The following TANC1 variants were observed in gnomAD, a reference collection of about 807,000 sequenced individuals.
The protein encoded by TANC1 is protein TANC1.
Under a neutral mutation model 149.7 loss-of-function variants are expected in TANC1, and 77 were observed. That is an observed-to-expected ratio of 0.51 (90% CI 0.43 to 0.62). The LOEUF is 0.62. Among genes scored for constraint, TANC1 ranks in the 20% least tolerant of loss-of-function variants. The probability of loss-of-function intolerance (pLI) is 0.00; values close to 1 mark genes in which losing one functional copy is unlikely to be tolerated. For synonymous variants in TANC1, 854 were observed against 925.0 expected (o/e 0.92, Z 1.39); for missense variants, 1,985 against 2,321.8 (o/e 0.85, Z 2.98).
At position 159,091,962 on chromosome 2, in the gene TANC1, A is replaced by AGG. The variant is rs56038534; in HGVS notation, c.62-5668_62-5667dup. On this transcript the variant is annotated intron_variant, in intron 3 of 26. Coordinates refer to ENST00000263635, the MANE Select transcript of TANC1 (RefSeq NM_033394.3). ...AAATCTTTCAGTTTTCTGTAAATAT[A>AGG]GGGGGGGGTGTGTGTGTGTATGTAT... Among the ~76,000 whole-genome samples the AGG allele has an allele frequency of 2.1e-5, 3 of 140,014 alleles. No individual in the cohort carries two copies. In the East Asian group the frequency reaches 6.3e-4, roughly 29 times the overall value. The allele number at this position is 140,014 out of a possible 152,430, so 91.9% of individuals were successfully genotyped here. A position where few individuals can be genotyped will look rare whatever the true frequency, so the allele number is the denominator to read the frequency against.
chr2:159,075,688 A>T (rs554507923), intron 3 of TANC1, among the ~76,000 whole-genome samples: 168 of 151,768 alleles, frequency 1.1e-3, no homozygotes, highest in East Asian at 4.1e-3. Context: ...TTTTTTGTAT[A>T]AAAAAAAGCC....
At chr2:158,989,888 G>A (rs1450316745) in intron 1 of TANC1, among the ~76,000 whole-genome samples, 2 of 151,724 alleles carry the variant, frequency 1.3e-5, no homozygotes, top group South Asian at 2.1e-4. Flanking sequence ...ATTTCTTCAC[G>A]GCCTTAGTTT....
At chr2:159,179,242 T>C in intron 14 of TANC1, 79 bp downstream of exon 14, 1 of 1,506,082 alleles carries the variant, frequency 6.6e-7, no homozygotes, top group South Asian at 1.3e-5. Flanking sequence ...GTGATGCACG[T>C]GTCTCAATGG....
At chr2:159,160,741 C>CAT (rs2053967762) in intron 7 of TANC1, among the ~76,000 whole-genome samples, 1 of 152,210 alleles carries the variant, frequency 6.6e-6, no homozygotes, top group African/African-American at 2.4e-5. Flanking sequence ...AACCCTGGGA[C>CAT]ATGTGGACCG....
intron 4 of TANC1, among the ~76,000 whole-genome samples, chr2:159,101,460 A>G (rs1249346629): frequency 1.3e-5 from 2 of 150,866 alleles, no homozygotes; most frequent in African/African-American, 4.9e-5. Flanking sequence ...CTTACTTTCC[A>G]CTCATATTGA....
chr2:159,158,139 T>C (rs921782395), intron 7 of TANC1, among the ~76,000 whole-genome samples: 47 of 152,276 alleles, frequency 3.1e-4, no homozygotes, highest in Admixed American at 2.6e-3. Context: ...GAGGATCGCT[T>C]GAGCCCATTA....
chr2:159,025,266 TTTTC>T (rs1187883120), intron 2 of TANC1, among the ~76,000 whole-genome samples: 8 of 147,424 alleles, frequency 5.4e-5, no homozygotes, highest in African/African-American at 9.9e-5. Flanking sequence ...TTCCTTCCTT[TTTTC>T]CTTTTCTTTT....
In TANC1 at chr2:159,097,729, T is replaced by C. The variant is rs2046279146; in HGVS notation, c.154T>C (p.Tyr52His). 2.5e-6 allele frequency: 4 copies of C among 1,614,136 alleles called. No individual in the cohort carries two copies. Among genetic ancestry groups the C allele is most frequent in the Non-Finnish European group, 3.4e-6 (4 of 1,180,018 alleles). ...VSSLPTAEDT[Y>H]RVSLAKGVSM... ...CAGTCTTCCCACAGCAGAGGACACC[T>C]ATAGGGTGAGCTTGGCCAAAGGTGT... Residue 52 changes from tyrosine (Y) to histidine (H), a missense_variant, in exon 4 of 27, where the codon TAT becomes CAT. Around this residue, in one of 3 missense-constraint regions of TANC1, gnomAD observed 557 missense variants for 612.9 expected, o/e 0.91. Coordinates refer to ENST00000263635, the MANE Select transcript of TANC1 (RefSeq NM_033394.3).
At chr2:159,185,286 G>T (rs1248132452) in intron 14 of TANC1, among the ~76,000 whole-genome samples, 1 of 152,198 alleles carries the variant, frequency 6.6e-6, no homozygotes, top group African/African-American at 2.4e-5. Context: ...AGGAAAATAG[G>T]CAGGATGGTA....
chr2:159,194,535 G>C, intron 17 of TANC1, 42 bp downstream of exon 17: 1 of 1,505,026 alleles, frequency 6.6e-7, no homozygotes, highest in Non-Finnish European at 9.2e-7. Flanking sequence ...GCAGGGAAAT[G>C]GCTTCATCTC....
intron 3 of TANC1, among the ~76,000 whole-genome samples, chr2:159,093,501 G>T (rs931812384): frequency 2.6e-5 from 4 of 152,068 alleles, no homozygotes; most frequent in African/African-American, 7.2e-5. Flanking sequence ...TTCTTTGTTT[G>T]ACCGTATTCC....
intron 4 of TANC1, among the ~76,000 whole-genome samples, chr2:159,120,659 G>A (rs1574802073): frequency 6.6e-6 from 1 of 152,144 alleles, no homozygotes; most frequent in East Asian, 1.9e-4. Flanking sequence ...ATAGGGTGTG[G>A]TGGCACAATG....
chr2:159,138,998 G>T (rs772140544), intron 5 of TANC1, among the ~76,000 whole-genome samples: 1 of 152,164 alleles, frequency 6.6e-6, no homozygotes, highest in African/African-American at 2.4e-5. Context: ...TGTGATGCAC[G>T]TTTTAGCCTT....
At chr2:158,999,697 G>A (rs1420279597) in intron 1 of TANC1, among the ~76,000 whole-genome samples, 3 of 152,200 alleles carry the variant, frequency 2.0e-5, no homozygotes, top group Non-Finnish European at 4.4e-5. Flanking sequence ...TCTAGATCGA[G>A]GGAGAAAATG....
At chr2:159,025,808 G>A (rs2039295117) in intron 2 of TANC1, among the ~76,000 whole-genome samples, 1 of 152,154 alleles carries the variant, frequency 6.6e-6, no homozygotes, top group African/African-American at 2.4e-5. Context: ...AAACTTTCTT[G>A]ATTGCTTGTT....
chr2:159,033,758 C>A (rs1031132524), intron 2 of TANC1, among the ~76,000 whole-genome samples: 3 of 152,178 alleles, frequency 2.0e-5, no homozygotes, highest in Non-Finnish European at 4.4e-5. Flanking sequence ...TCTTTCTTAT[C>A]CAGCCTCTGT....
At chr2:159,189,070 A>G (rs543310628) in intron 16 of TANC1, among the ~76,000 whole-genome samples, 1 of 152,332 alleles carries the variant, frequency 6.6e-6, no homozygotes, top group African/African-American at 2.4e-5. Context: ...TTTCTCACCT[A>G]TAAAGTGGAG....
chr2:159,203,570 T>G lies in TANC1; in HGVS notation c.3244+4517T>G, dbSNP rs1401413230. ...GCTTTTCCCAAATTGTGAGCTTTTT[T>G]GGGTTTGTTTTTTGAGACAGGGTCT... On this transcript the variant is annotated intron_variant, in intron 19 of 26. Coordinates refer to ENST00000263635, the MANE Select transcript of TANC1 (RefSeq NM_033394.3). Among the ~76,000 whole-genome samples the G allele has an allele frequency of 7.2e-5, 11 of 152,072 alleles. 1 individual carries two copies.
At chr2:159,122,762 T>C (rs904743416) in intron 4 of TANC1, among the ~76,000 whole-genome samples, 11 of 111,790 alleles carry the variant, frequency 9.8e-5, no homozygotes, top group African/African-American at 3.1e-4. Flanking sequence ...TTTTCTTTTT[T>C]CTTCTTTTTT....
Sources: allele counts gnomAD v4.1 joint callset (sites outside exome capture counted in the v4.1 genomes callset), GRCh38; gene constraint gnomAD v4.1.1; regional missense constraint gnomAD v4.1.1; transcripts MANE v1.5; gene names NCBI Gene and HGNC (gene_info 2026-07-23, HGNC 2026-07-21).